Variants in SUSD4 observed in about 807,000 individuals in gnomAD.
SUSD4 encodes the protein sushi domain-containing protein 4.
SUSD4 carries 41 observed loss-of-function variants against 50.5 expected under a neutral mutation model. That is an observed-to-expected ratio of 0.81 (90% CI 0.63 to 1.05). The LOEUF (loss-of-function observed/expected upper bound fraction) is 1.05, where lower values mean the gene tolerates loss of function less well. Among genes scored for constraint, SUSD4 ranks in the 50% least tolerant of loss-of-function variants. The pLI, the probability that SUSD4 is intolerant of heterozygous loss-of-function variation, is 0.00. For missense variants in SUSD4, 580 were observed against 634.7 expected, an observed-to-expected ratio of 0.91 and a Z score of 0.93; for synonymous variants, 257 against 257.3, an observed-to-expected ratio of 1.00 and a Z score of 0.01.
chr1:223,297,288 C>T (rs780393281), intron 2 of SUSD4, among the ~76,000 whole-genome samples: 1 of 152,174 alleles, frequency 6.6e-6, no homozygotes, highest in Non-Finnish European at 1.5e-5. Context: ...AACAGAAGAA[C>T]ATAGGGAGGC....
intron 2 of SUSD4, among the ~76,000 whole-genome samples, chr1:223,349,081 G>A (rs1668205382): frequency 6.6e-6 from 1 of 152,052 alleles, no homozygotes; most frequent in Non-Finnish European, 1.5e-5. Context: ...CCAACAAAAA[G>A]GCCATCAAGT....
chr1:223,278,109 C>T (rs535549823), intron 3 of SUSD4, among the ~76,000 whole-genome samples: 2 of 152,294 alleles, frequency 1.3e-5, no homozygotes, highest in East Asian at 1.9e-4. Context: ...TGAATAGGAA[C>T]AGCTCCGGTC....
intron 2 of SUSD4, chr1:223,359,166 TG>T (rs1558283134): frequency 2.1e-6 from 1 of 470,946 alleles, no homozygotes; most frequent in Non-Finnish European, 4.4e-6. Flanking sequence ...GATGATATTT[TG>T]CTCCTGCTCT....
At chr1:223,341,231 C>T (rs1667738852) in intron 2 of SUSD4, among the ~76,000 whole-genome samples, 1 of 152,192 alleles carries the variant, frequency 6.6e-6, no homozygotes. Context: ...ACATGGGAAC[C>T]CGAAAGGCAG....
At chr1:223,224,860 T>G (rs892057903) in intron 7 of SUSD4, among the ~76,000 whole-genome samples, 25 of 129,448 alleles carry the variant, frequency 1.9e-4, no homozygotes, top group Admixed American at 5.5e-4. Context: ...CTTGGTTTCT[T>G]CCTTTTTTTT....
chr1:223,279,998 T>G (rs1324173480), intron 3 of SUSD4, among the ~76,000 whole-genome samples: 1 of 152,068 alleles, frequency 6.6e-6, no homozygotes, highest in African/African-American at 2.4e-5. Flanking sequence ...GCTTCAAAAG[T>G]GAAGGAGAAA....
At chr1:223,245,510 A>G (rs1279090456) in intron 5 of SUSD4, among the ~76,000 whole-genome samples, 2 of 152,120 alleles carry the variant, frequency 1.3e-5, no homozygotes, top group African/African-American at 4.8e-5. Context: ...TGCAGGAGAC[A>G]GAGGGCTACA....
At chr1:223,235,124 G>T in intron 5 of SUSD4, 1 of 1,571,114 alleles carries the variant, frequency 6.4e-7, no homozygotes, top group Non-Finnish European at 8.6e-7. Context: ...GTGTAAATAT[G>T]AAAACATAAG....
intron 2 of SUSD4, among the ~76,000 whole-genome samples, chr1:223,324,145 G>A (rs926505900): frequency 2.0e-5 from 3 of 147,030 alleles, no homozygotes; most frequent in Non-Finnish European, 3.0e-5. Context: ...TGTAATTCCA[G>A]TATCTAGTAT....
chr1:223,269,283 A>C (rs1164628652), intron 3 of SUSD4, among the ~76,000 whole-genome samples: 1 of 152,238 alleles, frequency 6.6e-6, no homozygotes, highest in African/African-American at 2.4e-5. Flanking sequence ...GGCTCAGAGC[A>C]AGCCACTGTG....
chr1:223,239,850 T>C (rs973194987), intron 5 of SUSD4, among the ~76,000 whole-genome samples: 2 of 152,128 alleles, frequency 1.3e-5, no homozygotes, highest in Admixed American at 1.3e-4. Flanking sequence ...AGTTTTAATT[T>C]TACCTTCACT....
In SUSD4 at chr1:223,330,333, C is replaced by T. The variant is rs924370112; in HGVS notation, c.148+32945G>A. ...CACAATCCACATATCACTGTTCTCA[C>T]TCATATTTAAGAAATAAAAGTTTTC... On this transcript the variant is annotated intron_variant, in intron 2 of 8. Transcript: ENST00000366878. 3.3e-5 allele frequency among the ~76,000 whole-genome samples: 5 copies of T among 152,316 alleles called. No homozygotes were observed. In the East Asian group the frequency reaches 9.7e-4, roughly 29 times the overall value.
chr1:223,296,746 T>C (rs1384496251), intron 2 of SUSD4, among the ~76,000 whole-genome samples: 1 of 152,170 alleles, frequency 6.6e-6, no homozygotes, highest in Admixed American at 6.5e-5. Flanking sequence ...GTTCTTGTGA[T>C]AGTGAATGAG....
intron 2 of SUSD4, among the ~76,000 whole-genome samples, chr1:223,342,581 G>A (rs191497320): frequency 6.5e-4 from 99 of 152,200 alleles, no homozygotes; most frequent in Non-Finnish European, 1.1e-3. Context: ...TATAACAGAA[G>A]GCCAAGAAAC....
Position 223,230,093 on chromosome 1 carries a change from G to A in SUSD4, c.725-705C>T, listed in dbSNP as rs75789805. Among the ~76,000 whole-genome samples the A allele has an allele frequency of 6.6e-5, 10 of 152,270 alleles. No homozygotes were observed. In the East Asian group the frequency reaches 1.9e-3, roughly 29 times the overall value. ...TATTCTACCCTAGGAGGACGCCTTA[G>A]GGTTCTGACTCGAATATCCCATCAT... On this transcript the variant is annotated intron_variant, in intron 5 of 8. Coordinates refer to ENST00000366878, the MANE Select transcript of SUSD4 (RefSeq NM_017982.4).
rs1414370145 is a variant in SUSD4, at chr1:223,227,474, T to C, written c.1061+120A>G. 15 of 1,316,176 alleles carry C rather than the reference T, an allele frequency of 1.1e-5. No individual in the cohort carries two copies. Among genetic ancestry groups the C allele is most frequent in the Non-Finnish European group, 6.2e-6 (6 of 967,914 alleles). The allele number at this position is 1,316,176 out of a possible 1,614,324, so 81.5% of individuals were successfully genotyped here. On this transcript the variant is annotated intron_variant, in intron 7 of 8. Transcript: ENST00000366878. This position sits in a 1 kb window ranked among gnomAD's most constrained non-coding sequence, Gnocchi z 4.5. ...TCAAAACATCCCAGAACATTGTTTT[T>C]GCTCTCCCCTGTTTCCCTTTAGAGC...
At chr1:223,324,957 A>G (rs1328928536) in intron 2 of SUSD4, among the ~76,000 whole-genome samples, 2 of 152,126 alleles carry the variant, frequency 1.3e-5, no homozygotes, top group African/African-American at 4.8e-5. Context: ...AGGAAGGGGT[A>G]CTTTACTTGT....
chr1:223,324,928 G>C (rs75616958), intron 2 of SUSD4, among the ~76,000 whole-genome samples: 3,075 of 152,060 alleles, frequency 0.02, 107 homozygotes, highest in African/African-American at 0.071. Flanking sequence ...TCCTACCTAA[G>C]ATCAATGCAC....
intron 8 of SUSD4, 91 bp downstream of exon 8, chr1:223,223,158 G>A: frequency 1.4e-6 from 2 of 1,480,684 alleles, no homozygotes; most frequent in Non-Finnish European, 1.8e-6. Context: ...TCTGTGCTGG[G>A]GGGTGGAGCG....
Sources: gnomAD v4.1 joint callset for allele counts (sites outside exome capture counted in the v4.1 genomes callset) on GRCh38, gnomAD v4.1.1 for gene constraint, Gnocchi (gnomAD v3.1) non-coding constraint, MANE v1.5 for transcripts, NCBI Gene and HGNC (gene_info 2026-07-23, HGNC 2026-07-21) for gene names.